The following CFAP44 variants were observed in gnomAD, a reference collection of about 807,000 sequenced individuals.
The protein encoded by CFAP44 is cilia- and flagella-associated protein 44.
A neutral mutation model predicts 216.2 loss-of-function variants in CFAP44; 134 were observed. The ratio of observed to expected loss-of-function variants is 0.62; its 90% CI spans 0.54 to 0.72. CFAP44 has a LOEUF of 0.72. Ranked by LOEUF, CFAP44 falls within the 30% of genes least tolerant of loss-of-function variation. The probability of loss-of-function intolerance (pLI) is 0.00; values close to 1 mark genes in which losing one functional copy is unlikely to be tolerated. For synonymous variants in CFAP44, 700 were observed against 727.6 expected, an observed-to-expected ratio of 0.96 and a Z score of 0.61; for missense variants, 2,035 against 2,182.1, an observed-to-expected ratio of 0.93 and a Z score of 1.34.
intron 22 of CFAP44, 122 bp from the exon 23 acceptor site, chr3:113,344,834 A>T (rs532919594): frequency 1.1e-6 from 1 of 881,524 alleles, no homozygotes; most frequent in African/African-American, 1.7e-5. Context: ...TGCTAGACTC[A>T]AATTTTAACA....
rs1284152393 is a variant in CFAP44 at position 113,344,665 on chromosome 3, A to C, written c.3113T>G (p.Leu1038Arg). The change falls in exon 23 of 35, where the codon CTG becomes CGG. Residue 1038 changes from leucine to arginine, a missense_variant. Around this residue, in one of 3 missense-constraint regions of CFAP44, gnomAD observed 1,883 missense variants for 2,023.7 expected, o/e 0.93. Coordinates refer to ENST00000393845, the MANE Select transcript of CFAP44 (RefSeq NM_001164496.2). ...ESDTIVVHAI[L>R]SDHKISSYRL... is the part of the protein sequence containing the mutation. ...GTAAGAGGATATCTTGTGGTCACTCAGTATGGCATGAACCACAATAGTATC... is the reference window on the plus strand; with the variant it reads ...GTAAGAGGATATCTTGTGGTCACTCCGTATGGCATGAACCACAATAGTATC... 6.5e-7 allele frequency: 1 copy of C among 1,535,314 alleles called. No homozygotes were observed. Among genetic ancestry groups the C allele is most frequent in the Non-Finnish European group, 8.7e-7 (1 of 1,146,430 alleles).
At chr3:113,427,539 T>G in intron 2 of CFAP44, 200 bp from the exon 3 acceptor site, 2 of 481,080 alleles carry the variant, frequency 4.2e-6, no homozygotes, top group Middle Eastern at 5.3e-4. Flanking sequence ...TTAATCTCCA[T>G]TTTCACTTCA....
At chr3:113,410,078 A>G (rs980674753) in intron 6 of CFAP44, among the ~76,000 whole-genome samples, 1 of 152,182 alleles carries the variant, frequency 6.6e-6, no homozygotes, top group Non-Finnish European at 1.5e-5. Flanking sequence ...TTCTCAGCCA[A>G]GCAGCCCAAG....
At chr3:113,406,481 A>G (rs1229068842) in intron 8 of CFAP44, among the ~76,000 whole-genome samples, 21 of 152,172 alleles carry the variant, frequency 1.4e-4, no homozygotes, top group Middle Eastern at 3.4e-3. Context: ...AAAATTAGCC[A>G]GGCATGGTGG....
chr3:113,436,678 A>G (rs1472353034), intron 1 of CFAP44, among the ~76,000 whole-genome samples: 2 of 152,222 alleles, frequency 1.3e-5, no homozygotes, highest in Non-Finnish European at 2.9e-5. Flanking sequence ...TAAGTTTCCA[A>G]GACGCAGGTC....
At chr3:113,417,745 C>G (rs1442105100) in intron 5 of CFAP44, among the ~76,000 whole-genome samples, 3 of 152,162 alleles carry the variant, frequency 2.0e-5, no homozygotes, top group Non-Finnish European at 4.4e-5. Context: ...TGCAGTCACA[C>G]AGTCTACAAT....
chr3:113,364,806 T>C (rs6764524), intron 19 of CFAP44, among the ~76,000 whole-genome samples: 12,315 of 152,216 alleles, frequency 0.081, 592 homozygotes, highest in East Asian at 0.15. Flanking sequence ...GATTCTAATT[T>C]AATTGTTCTT....
chr3:113,366,104 C>A lies in CFAP44; in HGVS notation c.2650G>T (p.Val884Phe), dbSNP rs1166900031. Residue 884 changes from valine (V) to phenylalanine (F), a missense_variant, in exon 19 of 35, where the codon GTT becomes TTT. Around this residue, in one of 3 missense-constraint regions of CFAP44, gnomAD observed 1,883 missense variants for 2,023.7 expected, o/e 0.93. Transcript: ENST00000393845. ...VTAGADGNIF[V>F]FNIFSEFMLR... The stretch of plus-strand genomic sequence containing the variant: ...ATAAATTCAGAAAAAATGTTGAAAA[C>A]AAAGATATTGCCATCTGCTCCAGCA... The A allele has an allele frequency of 5.0e-6, 8 of 1,613,630 alleles. No individual in the cohort carries two copies. The East Asian group carries it at 1.8e-4, about 36-fold the overall frequency.
intron 32 of CFAP44, among the ~76,000 whole-genome samples, chr3:113,300,786 A>G (rs1330115053): frequency 1.3e-5 from 2 of 152,148 alleles, no homozygotes; most frequent in Non-Finnish European, 2.9e-5. Context: ...AATGAAATTA[A>G]GACCATGAGT....
chr3:113,382,494 G>A (rs1933541760), intron 15 of CFAP44, among the ~76,000 whole-genome samples: 1 of 152,172 alleles, frequency 6.6e-6, no homozygotes, highest in Non-Finnish European at 1.5e-5. Context: ...TGGCTGATTA[G>A]AGAAATATGG....
At chr3:113,403,818 TG>T (rs765927243) in intron 9 of CFAP44, 33 bp downstream of exon 9, 2 of 1,597,670 alleles carry the variant, frequency 1.3e-6, no homozygotes, top group Non-Finnish European at 1.7e-6. Context: ...GTCTTAAACG[TG>T]GGTGCTACCA....
At position 113,427,356 on chromosome 3, in the gene CFAP44, T is replaced by C; in HGVS notation, c.101-17A>G. 6.4e-7 allele frequency: 1 copy of C among 1,560,592 alleles called. No homozygotes were observed. Among genetic ancestry groups the C allele is most frequent in the Non-Finnish European group, 8.7e-7 (1 of 1,152,232 alleles). ...GAACAGGAGCTATTAAAATTTGTTT[T>C]AATAACTTCTAAATTTTGATTAAAC... On this transcript the variant is annotated splice_polypyrimidine_tract_variant and intron_variant, in intron 2 of 34. Transcript: ENST00000393845.
At chr3:113,386,324 T>G (rs1429516735) in intron 15 of CFAP44, among the ~76,000 whole-genome samples, 1 of 152,182 alleles carries the variant, frequency 6.6e-6, no homozygotes, top group Non-Finnish European at 1.5e-5. Flanking sequence ...CTCTATGTCT[T>G]TAGATTGTGG....
chr3:113,340,808 G>T (rs1950325933), intron 24 of CFAP44, among the ~76,000 whole-genome samples: 1 of 152,192 alleles, frequency 6.6e-6, no homozygotes, highest in African/African-American at 2.4e-5. Flanking sequence ...TGTATCCCGG[G>T]GTTTCTTGCC....
At chr3:113,363,376 T>A in intron 20 of CFAP44, 69 bp from the exon 21 acceptor site, 1 of 1,565,672 alleles carries the variant, frequency 6.4e-7, no homozygotes, top group Non-Finnish European at 8.7e-7. Context: ...AAAATTAGTA[T>A]TCAATAATTT....
chr3:113,331,269 C>T (rs550789254), intron 25 of CFAP44, among the ~76,000 whole-genome samples: 1 of 152,248 alleles, frequency 6.6e-6, no homozygotes, highest in South Asian at 2.1e-4. Context: ...AGCTGTGCCT[C>T]TGCTTCCAGG....
intron 22 of CFAP44, among the ~76,000 whole-genome samples, chr3:113,351,750 C>T (rs935986948): frequency 1.5e-5 from 2 of 132,308 alleles, no homozygotes; most frequent in South Asian, 5.0e-4. Context: ...TCTCCCCTTT[C>T]TGGTCCCGTG....
intron 33 of CFAP44, among the ~76,000 whole-genome samples, chr3:113,295,586 C>A (rs1390626015): frequency 6.6e-6 from 1 of 152,216 alleles, no homozygotes; most frequent in Non-Finnish European, 1.5e-5. Flanking sequence ...TCCTCCTACC[C>A]CATCTGCTAA....
chr3:113,358,938 A>C, intron 21 of CFAP44, 63 bp from the exon 22 acceptor site: 1 of 1,480,592 alleles, frequency 6.8e-7, no homozygotes, highest in Non-Finnish European at 8.9e-7. Flanking sequence ...CATATATTTC[A>C]GTTTTGTCCC....
Sources: gnomAD v4.1 joint callset for allele counts (sites outside exome capture counted in the v4.1 genomes callset) on GRCh38, gnomAD v4.1.1 for gene constraint, gnomAD v4.1.1 regional missense constraint, MANE v1.5 for transcripts, NCBI Gene and HGNC (gene_info 2026-07-23, HGNC 2026-07-21) for gene names.